The following ABCA3 variants were observed in gnomAD, a reference collection of about 807,000 sequenced individuals.
The protein encoded by ABCA3 is ATP binding cassette subfamily A member 3.
In ABCA3, 88 loss-of-function variants were observed where a neutral mutation model predicts 172.8. The ratio of observed to expected loss-of-function variants is 0.51; its 90% CI spans 0.43 to 0.61. ABCA3 has a LOEUF of 0.61. ABCA3 is among the 20% of genes least tolerant of loss of function. The probability of loss-of-function intolerance (pLI) is 0.00; values close to 1 mark genes in which losing one functional copy is unlikely to be tolerated. For missense variants in ABCA3, 2,164 were observed against 2,301.0 expected, an observed-to-expected ratio of 0.94 and a Z score of 1.22; for synonymous variants, 1,066 against 983.8, an observed-to-expected ratio of 1.08 and a Z score of -1.56.
At chr16:2,312,851 T>C (rs2093708741) in intron 10 of ABCA3, among the ~76,000 whole-genome samples, 2 of 151,860 alleles carry the variant, frequency 1.3e-5, no homozygotes, top group Admixed American at 1.3e-4. Flanking sequence ...TTTTTTTTTT[T>C]TCAGCCTGAG....
At chr16:2,318,795 G>A (rs976858551) in intron 8 of ABCA3, among the ~76,000 whole-genome samples, 1 of 152,116 alleles carries the variant, frequency 6.6e-6, no homozygotes, top group Non-Finnish European at 1.5e-5. Flanking sequence ...TTACAGGTGT[G>A]AGCCAGTGCC....
At chr16:2,314,392 T>C (rs567703322) in intron 10 of ABCA3, among the ~76,000 whole-genome samples, 9 of 150,956 alleles carry the variant, frequency 6.0e-5, no homozygotes, top group South Asian at 2.1e-4. Context: ...CGATTCCTCT[T>C]ACATGAAGTC....
intron 10 of ABCA3, among the ~76,000 whole-genome samples, chr16:2,316,981 G>C (rs531934051): frequency 6.6e-6 from 1 of 152,306 alleles, no homozygotes; most frequent in Non-Finnish European, 1.5e-5. Context: ...GATCTTCAAC[G>C]TAACTGTCAC....
rs149937495 is a variant in ABCA3 at position 2,290,810 on chromosome 16, C to T, written c.2514-1190G>A. ...CACCACCATGTCCTGCATGTATGAT[C>T]ACCTATTCTGTCGCCTCCTCTAGGC... On this transcript the variant is annotated intron_variant, in intron 19 of 32. Transcript: ENST00000301732. Among the ~76,000 whole-genome samples, 42 of 152,336 alleles carry T rather than the reference C, an allele frequency of 2.8e-4. 1 individual carries two copies. The East Asian group carries it at 7.7e-3, about 28-fold the overall frequency.
At chr16:2,319,523 T>A in intron 8 of ABCA3, 58 bp downstream of exon 8, 1 of 1,581,538 alleles carries the variant, frequency 6.3e-7, no homozygotes, top group South Asian at 1.1e-5. Flanking sequence ...CCTTTGGACA[T>A]GGCCTCCCCA....
Position 2,283,324 on chromosome 16 carries a change from G to C in ABCA3, c.3897C>G (p.Ser1299Arg). 6.2e-7 allele frequency: 1 copy of C among 1,613,160 alleles called. No homozygotes were observed. The highest frequency in any genetic ancestry group is 8.5e-7 in the Non-Finnish European group (1 of 1,179,992). Reference protein sequence around the residue: ...IQYQENFYAWSAPGVGRFVAS... With the variant: ...IQYQENFYAWRAPGVGRFVAS... ...CCACAAACCGGCCGACCCCCGGGGCGCTCCAGGCATAGAAGTTCTCCTGGT... is the reference window on the plus strand; with the variant it reads ...CCACAAACCGGCCGACCCCCGGGGCCCTCCAGGCATAGAAGTTCTCCTGGT... The change falls in exon 26 of 33, where the codon AGC (serine) becomes AGG (arginine). Residue 1299 changes from serine to arginine, a missense_variant. Ser to Arg is a moderately radical substitution (Grantham distance 110, BLOSUM62 -1). Around this residue, in one of 3 missense-constraint regions of ABCA3, gnomAD observed 795 missense variants for 881.9 expected, o/e 0.90. Coordinates refer to ENST00000301732, the MANE Select transcript of ABCA3 (RefSeq NM_001089.3). The surrounding 1 kb of genome is among the most constrained non-coding windows in gnomAD (Gnocchi z 5.4).
intron 12 of ABCA3, among the ~76,000 whole-genome samples, chr16:2,301,445 G>A (rs986411985): frequency 1.2e-4 from 18 of 152,130 alleles, no homozygotes; most frequent in Non-Finnish European, 2.6e-4. Context: ...GGTGGCTCAC[G>A]CCTGTCATCC....
rs1341394261 is a variant in ABCA3 at position 2,287,869 on chromosome 16, G to A, written c.3004+157C>T. 1.3e-5 allele frequency among the ~76,000 whole-genome samples: 2 copies of A among 152,308 alleles called. No homozygotes were observed. The highest frequency in any genetic ancestry group is 3.9e-4 in the East Asian group (2 of 5,166). On this transcript the variant is annotated intron_variant, in intron 21 of 32. Transcript: ENST00000301732. This position sits in a 1 kb window ranked among gnomAD's most constrained non-coding sequence, Gnocchi z 4.1. ...CATGTTTGATGGTCATGATGGGGTG[G>A]GGCAAGGTCAGGGATGCTGCTGAAC...
intron 1 of ABCA3, among the ~76,000 whole-genome samples, chr16:2,337,932 A>T (rs1032156035): frequency 2.6e-5 from 4 of 152,202 alleles, no homozygotes; most frequent in South Asian, 2.1e-4. Flanking sequence ...AGGGGTTCAT[A>T]GGGTGTATTT....
chr16:2,310,810 T>C (rs750357536), intron 10 of ABCA3, among the ~76,000 whole-genome samples: 1 of 151,720 alleles, frequency 6.6e-6, no homozygotes, highest in East Asian at 2.0e-4. Context: ...TGTGAGTCAC[T>C]TGACCGGCTG....
chr16:2,332,523 A>G (rs879012973), intron 1 of ABCA3: 13 of 994,078 alleles, frequency 1.3e-5, no homozygotes, highest in Non-Finnish European at 1.9e-5. Flanking sequence ...TCTGGGCCAC[A>G]TGACCACCAC....
At chr16:2,307,091 G>A (rs1431006418) in intron 11 of ABCA3, among the ~76,000 whole-genome samples, 3 of 151,392 alleles carry the variant, frequency 2.0e-5, no homozygotes, top group Non-Finnish European at 4.4e-5. Flanking sequence ...ACTCCAGGCT[G>A]GGTGACACAG....
Position 2,276,588 on chromosome 16 carries a change from A to G in ABCA3, c.*86T>C, listed in dbSNP as rs2093646714. Reference sequence around the variant, plus strand: ...AGAAAAAAGTGATTAAAAATAAAGGATGAGATAAACTTGGAGAGAGAGGAT... The same window carrying G: ...AGAAAAAAGTGATTAAAAATAAAGGGTGAGATAAACTTGGAGAGAGAGGAT... On this transcript the variant is annotated 3_prime_UTR_variant, in exon 33 of 33. Coordinates refer to ENST00000301732, the MANE Select transcript of ABCA3 (RefSeq NM_001089.3). 10 of 1,578,034 alleles carry G rather than the reference A, an allele frequency of 6.3e-6. No homozygotes were observed.
chr16:2,312,188 A>T (rs1396316069), intron 10 of ABCA3, among the ~76,000 whole-genome samples: 1 of 152,222 alleles, frequency 6.6e-6, no homozygotes, highest in South Asian at 2.1e-4. Flanking sequence ...CTTGAACTGC[A>T]GTATTGATGT....
chr16:2,316,190 G>A (rs1002776386), intron 10 of ABCA3, among the ~76,000 whole-genome samples: 1 of 145,746 alleles, frequency 6.9e-6, no homozygotes, highest in Non-Finnish European at 1.5e-5. Flanking sequence ...TAACGGTGGT[G>A]TGAGCTACTC....
chr16:2,281,565 T>A lies in ABCA3; in HGVS notation c.4036-56A>T, dbSNP rs1306813475. ...GAACCCAGCCGCAGGGCGGCTTCCG[T>A]GGAGAAGGGAGGGGCGGGGGTGGAT... is the stretch of plus-strand genomic sequence containing the variant. On this transcript the variant is annotated intron_variant, in intron 26 of 32. Transcript: ENST00000301732. This position sits in a 1 kb window ranked among gnomAD's most constrained non-coding sequence, Gnocchi z 4.7. The A allele has an allele frequency of 2.0e-6, 2 of 1,015,552 alleles. No homozygotes were observed. The highest frequency in any genetic ancestry group is 2.5e-6 in the Non-Finnish European group (2 of 790,546). The allele number at this position is 1,015,552 out of a possible 1,614,324, so 62.9% of individuals were successfully genotyped here.
intron 10 of ABCA3, 25 bp downstream of exon 10, chr16:2,317,256 CCA>C (rs1486984477): frequency 1.9e-6 from 3 of 1,613,404 alleles, no homozygotes; most frequent in Non-Finnish European, 1.7e-6. Context: ...CTTGGCAACC[CCA>C]CTCTGCCCCA....
chr16:2,288,359 G>A (rs1470689547), intron 20 of ABCA3, 30 bp from the exon 21 acceptor site: 4 of 1,536,064 alleles, frequency 2.6e-6, no homozygotes, highest in Non-Finnish European at 3.5e-6. Flanking sequence ...GGTGACACCG[G>A]CACCGCTTGG....
Position 2,284,467 on chromosome 16 carries a change from C to A in ABCA3, c.3704-30G>T, listed in dbSNP as rs769912251. On this transcript the variant is annotated intron_variant, in intron 24 of 32. Transcript: ENST00000301732. The surrounding 1 kb of genome is among the most constrained non-coding windows in gnomAD (Gnocchi z 5.9). Reference sequence around the variant, plus strand: ...GTTGGGGAGGTAAGATCAGTCTGCGCTGGAGGGCACACCACACCCACCTCC... The same window carrying A: ...GTTGGGGAGGTAAGATCAGTCTGCGATGGAGGGCACACCACACCCACCTCC... 1.2e-6 allele frequency: 2 copies of A among 1,612,980 alleles called. No individual in the cohort carries two copies. The highest frequency in any genetic ancestry group is 1.7e-6 in the Non-Finnish European group (2 of 1,179,822).
Sources: allele counts gnomAD v4.1 joint callset (sites outside exome capture counted in the v4.1 genomes callset), GRCh38; gene constraint gnomAD v4.1.1; regional missense constraint gnomAD v4.1.1; non-coding constraint Gnocchi (gnomAD v3.1); transcripts MANE v1.5; gene names NCBI Gene and HGNC (gene_info 2026-07-23, HGNC 2026-07-21).